MAP3K4: variants seen among roughly 807,000 people sequenced by gnomAD.
MAP3K4 encodes MAP three kinase 1.
In MAP3K4, 67 loss-of-function variants were observed where a neutral mutation model predicts 185.6. That is an observed-to-expected ratio of 0.36 (90% CI 0.30 to 0.44). The LOEUF (loss-of-function observed/expected upper bound fraction) is 0.44, where lower values mean the gene tolerates loss of function less well. Ranked by LOEUF, MAP3K4 falls within the 20% of genes least tolerant of loss-of-function variation. The pLI is 1.00. For synonymous variants in MAP3K4, 702 were observed against 710.4 expected, an observed-to-expected ratio of 0.99 and a Z score of 0.19; for missense variants, 1,551 against 1,995.1, an observed-to-expected ratio of 0.78 and a Z score of 4.24.
intron 3 of MAP3K4, among the ~76,000 whole-genome samples, chr6:161,066,217 A>G (rs1220300991): frequency 6.6e-6 from 1 of 152,102 alleles, no homozygotes; most frequent in African/African-American, 2.4e-5. Flanking sequence ...TAGAGAAGGT[A>G]AGTGAATTGT....
chr6:160,995,581 A>G (rs1384219428), intron 1 of MAP3K4, among the ~76,000 whole-genome samples: 1 of 152,202 alleles, frequency 6.6e-6, no homozygotes, highest in Non-Finnish European at 1.5e-5. Context: ...ACTCTATTCC[A>G]GTTTTATTGC....
chr6:161,011,973 G>A (rs1781863130), intron 1 of MAP3K4, among the ~76,000 whole-genome samples: 1 of 152,194 alleles, frequency 6.6e-6, no homozygotes, highest in Non-Finnish European at 1.5e-5. Flanking sequence ...TAGTGACTGA[G>A]TCCTTTAAGA....
In MAP3K4 at chr6:161,114,552, G is replaced by A. The variant is rs1227232669; in HGVS notation, c.4627-571G>A. Reference sequence around the variant, plus strand: ...AGTAAAGCCACACATAAAAGAACAGGTTCTCATATTGAAGAATACATATTG... The same window carrying A: ...AGTAAAGCCACACATAAAAGAACAGATTCTCATATTGAAGAATACATATTG... On this transcript the variant is annotated intron_variant, in intron 25 of 26. Coordinates refer to ENST00000392142, the MANE Select transcript of MAP3K4 (RefSeq NM_005922.4). The surrounding 1 kb of genome is among the most constrained non-coding windows in gnomAD (Gnocchi z 4.3). Among the ~76,000 whole-genome samples, 1 of 152,118 alleles carries A rather than the reference G, an allele frequency of 6.6e-6. No homozygotes were observed. Among genetic ancestry groups the A allele is most frequent in the Non-Finnish European group, 1.5e-5 (1 of 68,012 alleles).
intron 3 of MAP3K4, among the ~76,000 whole-genome samples, chr6:161,069,542 G>A (rs900764964): frequency 6.6e-6 from 1 of 152,114 alleles, no homozygotes; most frequent in African/African-American, 2.4e-5. Flanking sequence ...TTCCATAGCA[G>A]CTCAAGTTGT....
intron 1 of MAP3K4, among the ~76,000 whole-genome samples, chr6:161,006,296 G>A (rs528265292): frequency 1.3e-5 from 2 of 152,110 alleles, no homozygotes; most frequent in African/African-American, 2.4e-5. Context: ...CTGGCCTTTC[G>A]TATCTGTGGG....
chr6:161,015,170 C>T (rs560136482), intron 1 of MAP3K4, among the ~76,000 whole-genome samples: 1 of 152,144 alleles, frequency 6.6e-6, no homozygotes, highest in African/African-American at 2.4e-5. Context: ...TTGCCAGGGA[C>T]ATGGATGGAG....
In MAP3K4 at chr6:161,107,519, A is replaced by G. The variant is rs765877317; in HGVS notation, c.4049-380A>G. Among the ~76,000 whole-genome samples, 2 of 152,148 alleles carry G rather than the reference A, an allele frequency of 1.3e-5. No individual in the cohort carries two copies. The highest frequency in any genetic ancestry group is 2.9e-5 in the Non-Finnish European group (2 of 68,028). On this transcript the variant is annotated intron_variant, in intron 20 of 26. Coordinates refer to ENST00000392142, the MANE Select transcript of MAP3K4 (RefSeq NM_005922.4). This position sits in a 1 kb window ranked among gnomAD's most constrained non-coding sequence, Gnocchi z 6.2. ...TGGACATGTGCCAGTGAGGAAGACA[A>G]TGGTCAGGCTTAGTCCTGGCTGTTT...
rs1224411938 is a variant in MAP3K4, at chr6:161,073,209, A to G, written c.1951-257A>G. 3 of 306,998 alleles carry G rather than the reference A, an allele frequency of 9.8e-6. No individual in the cohort carries two copies. The highest frequency in any genetic ancestry group is 1.2e-5 in the Non-Finnish European group (2 of 170,020). The allele number at this position is 306,998 out of a possible 1,614,324, so 19.0% of individuals were successfully genotyped here. ...GAGAATTTATTTTAGCAAAGCAGTA[A>G]TTGCCTATATGGTATTTTCTCTGTG... On this transcript the variant is annotated intron_variant, in intron 4 of 26. Transcript: ENST00000392142. This position sits in a 1 kb window ranked among gnomAD's most constrained non-coding sequence, Gnocchi z 4.2.
rs1321944228 is a variant in MAP3K4, at chr6:161,008,967, A to AT, written c.152+16891dup. Among the ~76,000 whole-genome samples the AT allele has an allele frequency of 2.1e-4, 31 of 147,264 alleles. No individual in the cohort carries two copies. Among genetic ancestry groups the AT allele is most frequent in the African/African-American group, 6.8e-4 (27 of 39,978 alleles). ...TGTATAAATGTATCATGGCATATTC[A>AT]TTTTTTTAAACCATCTGAACCTTTT... On this transcript the variant is annotated intron_variant, in intron 1 of 26. Transcript: ENST00000392142. The surrounding 1 kb of genome is among the most constrained non-coding windows in gnomAD (Gnocchi z 4.1).
At chr6:161,089,532 G>A in intron 11 of MAP3K4, 61 bp downstream of exon 11, 2 of 1,581,076 alleles carry the variant, frequency 1.3e-6, no homozygotes, top group Non-Finnish European at 1.7e-6. Context: ...TCAGTGTGTG[G>A]TAATGTGTGT....
Position 161,115,658 on chromosome 6 carries a change from A to T in MAP3K4, c.4806+356A>T, listed in dbSNP as rs59302035. Among the ~76,000 whole-genome samples the T allele has an allele frequency of 6.5e-3, 991 of 152,318 alleles. 10 individuals are homozygous for T. Among genetic ancestry groups the T allele is most frequent in the Middle Eastern group, 0.065 (19 of 294 alleles). ...CTGAGAGCTGTGATAATGGTATATA[A>T]GGTTACTCAGAAGAGGAATTTAATT... On this transcript the variant is annotated intron_variant, in intron 26 of 26. Transcript: ENST00000392142. The surrounding 1 kb of genome is among the most constrained non-coding windows in gnomAD (Gnocchi z 6.0).
At chr6:161,078,074 C>T (rs2114833254) in intron 5 of MAP3K4, among the ~76,000 whole-genome samples, 1 of 152,208 alleles carries the variant, frequency 6.6e-6, no homozygotes, top group South Asian at 2.1e-4. Flanking sequence ...TACCAAATGA[C>T]TTCTATTTTT....
In MAP3K4 at chr6:161,049,700, G is replaced by A. The variant is rs1783912499; in HGVS notation, c.1428G>A (p.Gln476=). 1 of 1,614,178 alleles carries A rather than the reference G, an allele frequency of 6.2e-7. No homozygotes were observed. Among genetic ancestry groups the A allele is most frequent in the Non-Finnish European group, 8.5e-7 (1 of 1,180,032 alleles). ...ATCCTAGGGTACCGGAAATCAGACA[G>A]CCCATAGATAACAGCTTCGACATCC... ...ISDPRVPEIR[Q]PIDNSFDIQS... The change falls in exon 3 of 27, where the codon CAG becomes CAA. Residue 476 remains glutamine, a synonymous_variant. Coordinates refer to ENST00000392142, the MANE Select transcript of MAP3K4 (RefSeq NM_005922.4). This position sits in a 1 kb window ranked among gnomAD's most constrained non-coding sequence, Gnocchi z 8.4.
intron 1 of MAP3K4, among the ~76,000 whole-genome samples, chr6:161,001,952 G>A (rs1325121357): frequency 1.3e-5 from 2 of 151,540 alleles, no homozygotes; most frequent in African/African-American, 4.9e-5. Context: ...CACCAAATAT[G>A]CATTGAGGCT....
intron 1 of MAP3K4, among the ~76,000 whole-genome samples, chr6:161,023,249 T>C (rs1036516649): frequency 3.3e-5 from 5 of 152,228 alleles, no homozygotes; most frequent in African/African-American, 1.2e-4. Flanking sequence ...AAGGAAACTT[T>C]ATCATGATAG....
At chr6:161,038,038 T>C (rs1243178135) in intron 2 of MAP3K4, among the ~76,000 whole-genome samples, 1 of 152,144 alleles carries the variant, frequency 6.6e-6, no homozygotes, top group Non-Finnish European at 1.5e-5. Context: ...TCCTCTTCCT[T>C]TCTTTTCTTT....
intron 1 of MAP3K4, among the ~76,000 whole-genome samples, chr6:161,012,603 A>C (rs1001297712): frequency 9.8e-5 from 15 of 152,320 alleles, no homozygotes; most frequent in Admixed American, 9.8e-4. Context: ...ATGCATTTTC[A>C]GATAAGGGAG....
chr6:161,027,001 A>T (rs920394904), intron 1 of MAP3K4, among the ~76,000 whole-genome samples: 1 of 151,506 alleles, frequency 6.6e-6, no homozygotes, highest in African/African-American at 2.4e-5. Context: ...TTTTTGTTTT[A>T]TTTAGTTCAG....
rs1366676097 is a variant in MAP3K4 at position 161,043,060 on chromosome 6, A to G, written c.344-5556A>G. Among the ~76,000 whole-genome samples the G allele has an allele frequency of 1.3e-5, 2 of 152,206 alleles. No individual in the cohort carries two copies. Among genetic ancestry groups the G allele is most frequent in the Non-Finnish European group, 2.9e-5 (2 of 68,032 alleles). On this transcript the variant is annotated intron_variant, in intron 2 of 26. Transcript: ENST00000392142. This position sits in a 1 kb window ranked among gnomAD's most constrained non-coding sequence, Gnocchi z 4.3. ...AGTGAAATTAGAATGTTTGCTTTTT[A>G]AAGAATATCATACTGATGTAAAATG...
Sources: gnomAD v4.1 joint callset for allele counts (sites outside exome capture counted in the v4.1 genomes callset) on GRCh38, gnomAD v4.1.1 for gene constraint, Gnocchi (gnomAD v3.1) non-coding constraint, MANE v1.5 for transcripts, NCBI Gene and HGNC (gene_info 2026-07-23, HGNC 2026-07-21) for gene names.